LTN1: variants seen among roughly 807,000 people sequenced by gnomAD.
The protein encoded by LTN1 is listerin E3 ubiquitin protein ligase 1.
LTN1 carries 88 observed loss-of-function variants against 201.2 expected under a neutral mutation model. That is an observed-to-expected ratio of 0.44 (90% CI 0.37 to 0.52). The LOEUF is 0.52. Ranked by LOEUF, LTN1 falls within the 20% of genes least tolerant of loss-of-function variation. LTN1 has a pLI of 0.00. For missense variants in LTN1, 1,752 were observed against 2,038.7 expected, an observed-to-expected ratio of 0.86 and a Z score of 2.71; for synonymous variants, 645 against 713.5, an observed-to-expected ratio of 0.90 and a Z score of 1.53.
chr21:28,983,253 G>C (rs1230054308), intron 4 of LTN1, among the ~76,000 whole-genome samples: 1 of 152,202 alleles, frequency 6.6e-6, no homozygotes, highest in Non-Finnish European at 1.5e-5. Flanking sequence ...TCAATGATTA[G>C]TTATCCATCC....
In LTN1 at chr21:28,953,335, C is replaced by T. The variant is rs557981846; in HGVS notation, c.3121G>A (p.Asp1041Asn). Residue 1041 changes from aspartate to asparagine, a missense_variant, in exon 17 of 30, where the codon GAT becomes AAT. Transcript: ENST00000361371. ...CCAATTAGAAAAATAGGTGGGTTAT[C>T]TAATTCTTCACACCACTGCAGTGAA... ...LYSLQWCEEL[D>N]NPPIFLIGFC... The T allele has an allele frequency of 1.9e-6, 3 of 1,606,058 alleles. No homozygotes were observed. The highest frequency in any genetic ancestry group is 2.5e-6 in the Non-Finnish European group (3 of 1,178,038).
At chr21:28,980,007 T>G (rs539368598) in intron 6 of LTN1, among the ~76,000 whole-genome samples, 1 of 152,200 alleles carries the variant, frequency 6.6e-6, no homozygotes, top group South Asian at 2.1e-4. Context: ...TGTCTTGCAG[T>G]CATTTGTGGA....
chr21:28,990,140 C>T (rs182327411), intron 1 of LTN1, among the ~76,000 whole-genome samples: 175 of 152,314 alleles, frequency 1.1e-3, no homozygotes, highest in South Asian at 9.3e-3. Context: ...CCATTCTCTT[C>T]CATTCTCCCA....
At chr21:28,962,930 A>C (rs2084491318) in intron 11 of LTN1, among the ~76,000 whole-genome samples, 1 of 152,240 alleles carries the variant, frequency 6.6e-6, no homozygotes, top group Admixed American at 6.5e-5. Flanking sequence ...AACGAGCCAC[A>C]ACATTCCCTT....
rs1453712858 is a variant in LTN1, at chr21:28,971,275, A to G, written c.980T>C (p.Ile327Thr). The G allele has an allele frequency of 3.7e-6, 6 of 1,612,570 alleles. No homozygotes were observed. The highest frequency in any genetic ancestry group is 8.5e-7 in the Non-Finnish European group (1 of 1,179,308). The part of the protein sequence containing the change: ...WEAVLYTLTT[I>T]EDCWLHVNAK... ...AAATGTGCCTCTCTTACATACCTCA[A>G]TAGTTGTAAGTGTATAGAGTACAGC... Residue 327 changes from isoleucine to threonine, a missense_variant, in exon 7 of 30, where the codon ATT becomes ACT. By Grantham distance (89) the Ile-to-Thr change is moderately conservative. This residue lies in a region of LTN1 where 1,211 missense variants were observed against 1,312.8 expected (regional missense o/e 0.92). Transcript: ENST00000361371.
chr21:28,965,799 C>T, intron 11 of LTN1, 66 bp downstream of exon 11: 1 of 906,440 alleles, frequency 1.1e-6, no homozygotes. Flanking sequence ...GTAAATAGGA[C>T]TACGGTTATA....
At chr21:28,944,970 C>T (rs1279297971) in intron 21 of LTN1, among the ~76,000 whole-genome samples, 1 of 152,016 alleles carries the variant, frequency 6.6e-6, no homozygotes, top group Non-Finnish European at 1.5e-5. Context: ...GCCTGTAATC[C>T]CAACACTTTG....
chr21:28,988,809 T>C (rs1413999411), intron 1 of LTN1, among the ~76,000 whole-genome samples: 1 of 151,208 alleles, frequency 6.6e-6, no homozygotes, highest in Non-Finnish European at 1.5e-5. Context: ...CTACTAAAAA[T>C]ACAAAATTAG....
Position 28,936,667 on chromosome 21 carries a change from T to G in LTN1, c.4513A>C (p.Lys1505Gln). ...LRALYSMYLRKTKSLNKLLYH... is the reference protein window; with the variant it reads ...LRALYSMYLRQTKSLNKLLYH... ...AGCAATTTATTCAAACTCTTTGTTT[T>G]CCGAAGATACATGGAATACAAAGCC... The change falls in exon 26 of 30, where the codon AAA becomes CAA. Residue 1505 changes from lysine to glutamine, a missense_variant. Physicochemically the swap from Lys to Gln is moderately conservative, Grantham distance 53. Transcript: ENST00000361371. 1.2e-6 allele frequency: 2 copies of G among 1,613,006 alleles called. No individual in the cohort carries two copies. The highest frequency in any genetic ancestry group is 1.7e-6 in the Non-Finnish European group (2 of 1,179,408).
chr21:28,943,310 T>C lies in LTN1; in HGVS notation c.4247A>G (p.Asp1416Gly). The change falls in exon 24 of 30, where the codon GAT becomes GGT. Residue 1416 changes from aspartate to glycine, a missense_variant. Coordinates refer to ENST00000361371, the MANE Select transcript of LTN1 (RefSeq NM_015565.3). ...YKLMPELPQY[D>G]QDNLKSYGDE... ...TCCGTATGACTTTAGATTATCCTGA[T>C]CATACTGTGGTAATTCAGGCATCAA... 1.2e-6 allele frequency: 2 copies of C among 1,600,734 alleles called. No individual in the cohort carries two copies. The highest frequency in any genetic ancestry group is 1.7e-6 in the Non-Finnish European group (2 of 1,170,304).
intron 25 of LTN1, among the ~76,000 whole-genome samples, chr21:28,937,786 G>A (rs2084267673): frequency 6.6e-6 from 1 of 152,064 alleles, no homozygotes; most frequent in Non-Finnish European, 1.5e-5. Flanking sequence ...CAACCAGTAA[G>A]TGTAACAAAA....
intron 26 of LTN1, among the ~76,000 whole-genome samples, chr21:28,936,165 T>C (rs1345445085): frequency 6.6e-6 from 1 of 152,198 alleles, no homozygotes; most frequent in Non-Finnish European, 1.5e-5. Context: ...TACAACCAGA[T>C]ACATGCATAT....
intron 12 of LTN1, 123 bp downstream of exon 12, chr21:28,960,394 A>G (rs2084466601): frequency 1.4e-6 from 1 of 702,752 alleles, no homozygotes. Context: ...AGAAAAAAAA[A>G]AATTTGAATG....
intron 6 of LTN1, among the ~76,000 whole-genome samples, chr21:28,972,833 G>T (rs564417815): frequency 6.6e-6 from 1 of 152,028 alleles, no homozygotes; most frequent in Non-Finnish European, 1.5e-5. Context: ...TCCCAAGCAG[G>T]ATACATAAAG....
intron 24 of LTN1, among the ~76,000 whole-genome samples, chr21:28,942,679 C>A (rs2084306276): frequency 6.6e-6 from 1 of 152,124 alleles, no homozygotes; most frequent in African/African-American, 2.4e-5. Context: ...TCTTTCCTGT[C>A]CTGCAGAAAT....
chr21:28,954,809 A>T (rs1038862838), intron 16 of LTN1, among the ~76,000 whole-genome samples: 1 of 152,214 alleles, frequency 6.6e-6, no homozygotes, highest in African/African-American at 2.4e-5. Context: ...AGAGACTTAA[A>T]CCTAAGAACT....
intron 19 of LTN1, among the ~76,000 whole-genome samples, chr21:28,946,604 A>G (rs1226126631): frequency 6.6e-6 from 1 of 152,222 alleles, no homozygotes; most frequent in African/African-American, 2.4e-5. Flanking sequence ...CAAACTCATC[A>G]TTCAAATAAA....
At chr21:28,958,783 A>G (rs929013944) in intron 13 of LTN1, among the ~76,000 whole-genome samples, 1 of 152,210 alleles carries the variant, frequency 6.6e-6, no homozygotes, top group Non-Finnish European at 1.5e-5. Context: ...TACATTTTTT[A>G]TGCTTGAACT....
Position 28,959,441 on chromosome 21 carries a change from G to A in LTN1, c.2593+17C>T, listed in dbSNP as rs373455361. 12 of 1,606,892 alleles carry A rather than the reference G, an allele frequency of 7.5e-6. No homozygotes were observed. The highest frequency in any genetic ancestry group is 5.4e-5 in the African/African-American group (4 of 74,654). The stretch of plus-strand genomic sequence containing the variant: ...GCCGGAGATTCCCAACAAAACATTT[G>A]AGCAGTAGGCTATTACCTGGCAAAT... On this transcript the variant is annotated intron_variant, in intron 13 of 29. Transcript: ENST00000361371.
Sources: allele counts gnomAD v4.1 joint callset (sites outside exome capture counted in the v4.1 genomes callset), GRCh38; gene constraint gnomAD v4.1.1; regional missense constraint gnomAD v4.1.1; transcripts MANE v1.5; gene names NCBI Gene and HGNC (gene_info 2026-07-23, HGNC 2026-07-21).